NFATC1: variants seen among roughly 807,000 people sequenced by gnomAD.
NFATC1 encodes the protein nuclear factor of activated T cells 1.
NFATC1 carries 22 observed loss-of-function variants against 76.0 expected under a neutral mutation model. That is an observed-to-expected ratio of 0.29 (90% CI 0.21 to 0.41). NFATC1 has a LOEUF of 0.41. Ranked by LOEUF, NFATC1 falls within the 10% of genes least tolerant of loss-of-function variation. NFATC1 has a pLI of 1.00. For missense variants in NFATC1, 1,357 were observed against 1,337.7 expected, an observed-to-expected ratio of 1.01 and a Z score of -0.23; for synonymous variants, 704 against 613.1, an observed-to-expected ratio of 1.15 and a Z score of -2.19.
At chr18:79,518,505 C>G (rs931358078) in intron 9 of NFATC1, among the ~76,000 whole-genome samples, 1 of 152,218 alleles carries the variant, frequency 6.6e-6, no homozygotes, top group Non-Finnish European at 1.5e-5. Context: ...CACCCCCCCT[C>G]TCGCTCGTGA....
At position 79,451,731 on chromosome 18, in the gene NFATC1, T is replaced by C. The variant is rs1475464519; in HGVS notation, c.1818T>C (p.Tyr606=). Reference sequence around the variant, plus strand: ...TGGAGAAGCAGAGCACGGACAGCTATCCGGTCGTGGGCGGGAAGAAGATGG... The same window carrying C: ...TGGAGAAGCAGAGCACGGACAGCTACCCGGTCGTGGGCGGGAAGAAGATGG... ...PLVEKQSTDS[Y]PVVGGKKMVL... Residue 606 remains tyrosine, a synonymous_variant, in exon 6 of 10, where the codon TAT becomes TAC. Transcript: ENST00000427363. 6.2e-7 allele frequency: 1 copy of C among 1,612,888 alleles called. No individual in the cohort carries two copies. Among genetic ancestry groups the C allele is most frequent in the Non-Finnish European group, 8.5e-7 (1 of 1,179,680 alleles).
intron 8 of NFATC1, among the ~76,000 whole-genome samples, chr18:79,481,145 C>T (rs980818404): frequency 6.6e-6 from 1 of 152,264 alleles, no homozygotes. Flanking sequence ...AGCCCTGCCT[C>T]TGGGGCTCCC....
chr18:79,400,496 G>T, intron 1 of NFATC1: 2 of 1,405,396 alleles, frequency 1.4e-6, no homozygotes, highest in Admixed American at 3.4e-5. Flanking sequence ...CAGTCCCGGA[G>T]GGCGCGGGGG....
chr18:79,430,461 C>A (rs2086553414), intron 2 of NFATC1, among the ~76,000 whole-genome samples: 1 of 152,226 alleles, frequency 6.6e-6, no homozygotes, highest in South Asian at 2.1e-4. Flanking sequence ...CGGCTCACTG[C>A]AGCCTCCGCC....
At chr18:79,483,798 AGGTGTCACTCCAGCGTGACCTGGTCCTGG>A (rs1569018584) in intron 8 of NFATC1, among the ~76,000 whole-genome samples, 10 of 57,882 alleles carry the variant, frequency 1.7e-4, no homozygotes, top group African/African-American at 6.3e-4. Context: ...CTCGTTCCTG[AGGTGTCACTCCAGCGTGACCTGGTCCTGG>A]GGTGTCATTC....
At chr18:79,418,630 C>T (rs529151197) in intron 2 of NFATC1, among the ~76,000 whole-genome samples, 4 of 152,342 alleles carry the variant, frequency 2.6e-5, no homozygotes, top group East Asian at 1.9e-4. Flanking sequence ...TGCCAGCCTC[C>T]GCTGGTGAGG....
At chr18:79,432,242 G>T (rs1266277239) in intron 2 of NFATC1, among the ~76,000 whole-genome samples, 3 of 152,246 alleles carry the variant, frequency 2.0e-5, no homozygotes, top group Non-Finnish European at 2.9e-5. Flanking sequence ...GGCCAGAGGG[G>T]CTGGTTCTGA....
chr18:79,456,787 G>A (rs775479368), intron 6 of NFATC1, among the ~76,000 whole-genome samples: 9 of 152,302 alleles, frequency 5.9e-5, no homozygotes, highest in Admixed American at 6.5e-5. Context: ...AGATGGACCC[G>A]GGGGATGGCT....
At chr18:79,510,844 TC>T (rs2090228554) in intron 9 of NFATC1, among the ~76,000 whole-genome samples, 2 of 149,276 alleles carry the variant, frequency 1.3e-5, no homozygotes, top group African/African-American at 2.5e-5. Flanking sequence ...TGCCGGGGCA[TC>T]CTCTGCCGGG....
intron 8 of NFATC1, among the ~76,000 whole-genome samples, chr18:79,480,049 G>C (rs1454794817): frequency 6.6e-6 from 1 of 152,224 alleles, no homozygotes; most frequent in Admixed American, 6.5e-5. Context: ...GGTCAGCCCA[G>C]GCCACCTTCC....
chr18:79,402,426 C>T (rs1362766489), intron 1 of NFATC1: 1 of 980,294 alleles, frequency 1.0e-6, no homozygotes, highest in Non-Finnish European at 1.2e-6. Flanking sequence ...CTCATTCCCC[C>T]AAAACACTCC....
chr18:79,396,727 G>A (rs911380889), intron 1 of NFATC1, among the ~76,000 whole-genome samples: 3 of 152,068 alleles, frequency 2.0e-5, no homozygotes, highest in African/African-American at 7.2e-5. Context: ...GGGAGTGAAG[G>A]ATGCCCCGTG....
chr18:79,525,014 T>C (rs2090720404), intron 9 of NFATC1, among the ~76,000 whole-genome samples: 1 of 151,288 alleles, frequency 6.6e-6, no homozygotes, highest in Non-Finnish European at 1.5e-5. Flanking sequence ...CATCCCATCA[T>C]TACTACCCCT....
At chr18:79,458,351 G>A (rs1241536777) in intron 6 of NFATC1, among the ~76,000 whole-genome samples, 4 of 152,114 alleles carry the variant, frequency 2.6e-5, no homozygotes, top group East Asian at 3.9e-4. Flanking sequence ...GGCAGGAGAC[G>A]CCGTGGGGAG....
At chr18:79,433,795 C>T (rs766864857) in intron 3 of NFATC1, 57 bp downstream of exon 3, 8 of 1,571,928 alleles carry the variant, frequency 5.1e-6, no homozygotes, top group Non-Finnish European at 6.9e-6. Flanking sequence ...CAAAAAGTAA[C>T]TTTGGAGCCA....
At chr18:79,491,637 C>T (rs1159360671) in intron 9 of NFATC1, among the ~76,000 whole-genome samples, 1 of 152,238 alleles carries the variant, frequency 6.6e-6, no homozygotes, top group African/African-American at 2.4e-5. Flanking sequence ...GCCGGGTCCA[C>T]TTTCCAGCCT....
At chr18:79,451,975 C>A (rs371151727) in intron 6 of NFATC1, 159 bp downstream of exon 6, 2 of 833,640 alleles carry the variant, frequency 2.4e-6, no homozygotes, top group Non-Finnish European at 3.4e-6. Flanking sequence ...TGTCTGCATC[C>A]GGCTGTGGGT....
At chr18:79,426,199 C>T (rs567818871) in intron 2 of NFATC1, among the ~76,000 whole-genome samples, 10 of 151,454 alleles carry the variant, frequency 6.6e-5, no homozygotes, top group African/African-American at 2.2e-4. Context: ...GATAATCCTG[C>T]GATTGAGAAT....
At chr18:79,527,435 G>A (rs560177382) in intron 9 of NFATC1, 93 bp from the exon 10 acceptor site, 70 of 1,017,868 alleles carry the variant, frequency 6.9e-5, no homozygotes, top group South Asian at 3.5e-4. Flanking sequence ...TGTCACAGGC[G>A]TGAGCGTCAC....
Sources: allele counts gnomAD v4.1 joint callset (sites outside exome capture counted in the v4.1 genomes callset), GRCh38; gene constraint gnomAD v4.1.1; transcripts MANE v1.5; gene names NCBI Gene and HGNC (gene_info 2026-07-23, HGNC 2026-07-21).